The following RPLP2 variants were observed in gnomAD, a reference collection of about 807,000 sequenced individuals.
RPLP2 encodes the protein large ribosomal subunit protein P2.
In RPLP2, 1 loss-of-function variant was observed where a neutral mutation model predicts 11.5. The ratio of observed to expected loss-of-function variants is 0.09; its 90% confidence interval spans 0.03 to 0.41. The LOEUF is 0.41. RPLP2 is among the 10% of genes least tolerant of loss of function. The probability of loss-of-function intolerance (pLI) is 0.98; values close to 1 mark genes in which losing one functional copy is unlikely to be tolerated. For synonymous variants in RPLP2, 82 were observed against 55.9 expected, an observed-to-expected ratio of 1.47 and a Z score of -2.08; for missense variants, 177 against 145.6, an observed-to-expected ratio of 1.22 and a Z score of -1.11.
chr11:810,931 G>GA (rs1386514263), intron 2 of RPLP2, among the ~76,000 whole-genome samples: 3 of 151,066 alleles, frequency 2.0e-5, no homozygotes, highest in African/African-American at 7.3e-5. Flanking sequence ...CCGGCTTTGG[G>GA]AGGCCATGGC....
chr11:812,285 A>C, intron 3 of RPLP2: 2 of 541,108 alleles, frequency 3.7e-6, no homozygotes, highest in African/African-American at 1.9e-5. Context: ...GAGGTGGGGA[A>C]ATTGGGCAGG....
chr11:810,609 C>T (rs1249129641), intron 2 of RPLP2: 1 of 355,588 alleles, frequency 2.8e-6, no homozygotes, highest in Non-Finnish European at 5.1e-6. Flanking sequence ...GCCTGGTAAA[C>T]ATGTCGAAAC....
intron 1 of RPLP2, 60 bp from the exon 2 acceptor site, chr11:810,174 A>G (rs1865980976): frequency 5.6e-6 from 8 of 1,418,200 alleles, no homozygotes; most frequent in Non-Finnish European, 7.4e-6. Flanking sequence ...CGGCCCCGGG[A>G]TGGGCCGGCA....
chr11:811,664 G>C lies in RPLP2; in HGVS notation c.172+19G>C. On this transcript the variant is annotated intron_variant, in intron 3 of 4. Coordinates refer to ENST00000321153, the MANE Select transcript of RPLP2 (RefSeq NM_001004.4). ...GCCCAGGGTGAGTTGATGTGGACGG[G>C]CTTTCGTTTGTTTTCATGGTCCATC... 1 of 1,614,208 alleles carries C rather than the reference G, an allele frequency of 6.2e-7. No individual in the cohort carries two copies. The highest frequency in any genetic ancestry group is 8.5e-7 in the Non-Finnish European group (1 of 1,180,018).
intron 2 of RPLP2, 48 bp downstream of exon 2, chr11:810,405 A>C (rs768582692): frequency 2.6e-6 from 4 of 1,563,984 alleles, no homozygotes; most frequent in Non-Finnish European, 3.5e-6. Flanking sequence ...CCAGTGTCCC[A>C]TACAGGCGAT....
chr11:810,922 C>T (rs1047432651), intron 2 of RPLP2, among the ~76,000 whole-genome samples: 1 of 149,704 alleles, frequency 6.7e-6, no homozygotes, highest in Non-Finnish European at 1.5e-5. Flanking sequence ...ATGGCTCACC[C>T]GGCTTTGGGA....
At position 812,783 on chromosome 11, in the gene RPLP2, A is replaced by G. The variant is rs150437372; in HGVS notation, c.295A>G (p.Lys99Glu). ...AGCAGAGGAGAAGAAAGATGAGAAG[A>G]AGGAGGAGTCTGAAGAGTCAGATGA... ...AAAEEKKDEK[K>E]EESEESDDDM... Residue 99 changes from lysine to glutamate, a missense_variant, in exon 5 of 5, where the codon AAG (lysine) becomes GAG (glutamate). Physicochemically the swap from Lys to Glu is moderately conservative, Grantham distance 56 (BLOSUM62 1). Coordinates refer to ENST00000321153, the MANE Select transcript of RPLP2 (RefSeq NM_001004.4). 3.5e-5 allele frequency: 56 copies of G among 1,613,706 alleles called. No individual in the cohort carries two copies. The highest frequency in any genetic ancestry group is 8.8e-5 in the South Asian group (8 of 91,068).
At chr11:810,715 C>T (rs550936782) in intron 2 of RPLP2, among the ~76,000 whole-genome samples, 5 of 151,428 alleles carry the variant, frequency 3.3e-5, no homozygotes, top group East Asian at 3.9e-4. Flanking sequence ...ATCGCTCGAA[C>T]CCGGGAGATG....
chr11:811,876 C>T (rs548608984), intron 3 of RPLP2: 3 of 751,126 alleles, frequency 4.0e-6, no homozygotes, highest in East Asian at 5.0e-5. Flanking sequence ...GGCCCTGCCT[C>T]TTAAGCCTGA....
At chr11:811,071 T>G (rs910914905) in intron 2 of RPLP2, among the ~76,000 whole-genome samples, 7 of 151,034 alleles carry the variant, frequency 4.6e-5, no homozygotes, top group Admixed American at 4.6e-4. Flanking sequence ...CAGCTACTCA[T>G]GAGGCTGATG....
In RPLP2 at chr11:812,852, C is replaced by T. The variant is rs1201022877; in HGVS notation, c.*16C>T. 6.2e-7 allele frequency: 1 copy of T among 1,611,792 alleles called. No individual in the cohort carries two copies. Among genetic ancestry groups the T allele is most frequent in the South Asian group, 1.1e-5 (1 of 90,986 alleles). On this transcript the variant is annotated 3_prime_UTR_variant, in exon 5 of 5. Transcript: ENST00000321153. ...TTTTGATTAAATTCCTGCTCCCCTG[C>T]AAATAAAGCCTTTTTACACATCTCT...
intron 2 of RPLP2, 30 bp downstream of exon 2, chr11:810,387 G>A: frequency 1.3e-6 from 2 of 1,597,384 alleles, no homozygotes; most frequent in Non-Finnish European, 1.7e-6. Context: ...CGCAGCCGCC[G>A]TGGGGCCCCA....
chr11:810,170 C>T, intron 1 of RPLP2, 64 bp from the exon 2 acceptor site: 11 of 1,410,220 alleles, frequency 7.8e-6, no homozygotes, highest in Non-Finnish European at 1.0e-5. Flanking sequence ...CCGGCGGCCC[C>T]GGGATGGGCC....
intron 3 of RPLP2, chr11:812,154 C>T (rs1435729682): frequency 2.6e-6 from 1 of 383,890 alleles, no homozygotes; most frequent in Non-Finnish European, 5.0e-6. Flanking sequence ...ACGACAGGGC[C>T]AGCTCAGCAA....
chr11:810,849 G>T lies in RPLP2; in HGVS notation c.123+492G>T, dbSNP rs575495979. The stretch of plus-strand genomic sequence containing the variant: ...GCAAAATCGTGATTAACAAGCTTTG[G>T]AAGTTTAATACCAGTGAGCTGCGTA... On this transcript the variant is annotated intron_variant, in intron 2 of 4. Coordinates refer to ENST00000321153, the MANE Select transcript of RPLP2 (RefSeq NM_001004.4). 4.3e-4 allele frequency among the ~76,000 whole-genome samples: 65 copies of T among 149,848 alleles called. 2 individuals are homozygous for T. The highest frequency in any genetic ancestry group is 3.0e-5 in the Non-Finnish European group (2 of 67,648).
At position 811,623 on chromosome 11, in the gene RPLP2, C is replaced by T; in HGVS notation, c.150C>T (p.Asn50=). The T allele has an allele frequency of 6.2e-7, 1 of 1,614,220 alleles. No homozygotes were observed. Among genetic ancestry groups the T allele is most frequent in the Non-Finnish European group, 8.5e-7 (1 of 1,180,028 alleles). ...NKVISELNGK[N]IEDVIAQGIG... is the part of the protein sequence containing the mutation. ...TTATCAGTGAGCTGAATGGAAAAAA[C>T]ATTGAAGACGTCATTGCCCAGGGTG... Residue 50 remains asparagine, a synonymous_variant, in exon 3 of 5, where the codon AAC becomes AAT. Coordinates refer to ENST00000321153, the MANE Select transcript of RPLP2 (RefSeq NM_001004.4).
chr11:810,027 C>A lies in RPLP2; in HGVS notation c.-14C>A. On this transcript the variant is annotated 5_prime_UTR_variant, in exon 1 of 5. Transcript: ENST00000321153. ...TGAGACTTCTCCGCCGCCTCCGCCGCAGACGCCGCCGCGTGAGTGTGGTGA... is the reference window on the plus strand; with the variant it reads ...TGAGACTTCTCCGCCGCCTCCGCCGAAGACGCCGCCGCGTGAGTGTGGTGA... 4 of 530,874 alleles carry A rather than the reference C, an allele frequency of 7.5e-6. No individual in the cohort carries two copies. The highest frequency in any genetic ancestry group is 3.7e-5 in the East Asian group (1 of 27,228). 32.9% of individuals were successfully genotyped at this position (530,874 alleles called of 1,614,324 possible). A position where few individuals can be genotyped will look rare whatever the true frequency, so the allele number is the denominator to read the frequency against.
In RPLP2 at chr11:810,791, GAA is replaced by G. The variant is rs35176006; in HGVS notation, c.123+449_123+450del. Among the ~76,000 whole-genome samples, 532 of 116,304 alleles carry G rather than the reference GAA, an allele frequency of 4.6e-3. 2 individuals are homozygous for G. Among genetic ancestry groups the G allele is most frequent in the African/African-American group, 0.012 (386 of 31,032 alleles). 76.3% of individuals were successfully genotyped at this position (116,304 alleles called of 152,430 possible). A position where few individuals can be genotyped will look rare whatever the true frequency, so the allele number is the denominator to read the frequency against. On this transcript the variant is annotated intron_variant, in intron 2 of 4. Transcript: ENST00000321153. The stretch of plus-strand genomic sequence containing the variant: ...GCAGAAGGAGACCCTGTCTCAAAAG[GAA>G]AAAAAAAAAAAAAAGCAGGGTGGGT...
intron 2 of RPLP2, among the ~76,000 whole-genome samples, chr11:811,160 C>T (rs552291995): frequency 3.0e-4 from 45 of 152,166 alleles, no homozygotes; most frequent in African/African-American, 9.9e-4. Context: ...AGAACCAGGC[C>T]TCGTCTCTAA....
Sources: allele counts gnomAD v4.1 joint callset (sites outside exome capture counted in the v4.1 genomes callset), GRCh38; gene constraint gnomAD v4.1.1; transcripts MANE v1.5; gene names NCBI Gene and HGNC (gene_info 2026-07-23, HGNC 2026-07-21).